Variants in NBEA observed in about 807,000 individuals in gnomAD.
NBEA encodes lysosomal-trafficking regulator 2.
In NBEA, 44 loss-of-function variants were observed where a neutral mutation model predicts 343.4. The ratio of observed to expected loss-of-function variants is 0.13; its 90% CI spans 0.10 to 0.16. The LOEUF (loss-of-function observed/expected upper bound fraction) is 0.16, where lower values mean the gene tolerates loss of function less well. Ranked by LOEUF, NBEA falls within the 10% of genes least tolerant of loss-of-function variation. The pLI is 1.00. For missense variants in NBEA, 2,555 were observed against 3,631.3 expected, an observed-to-expected ratio of 0.70 and a Z score of 7.62; for synonymous variants, 1,175 against 1,238.7, an observed-to-expected ratio of 0.95 and a Z score of 1.08.
chr13:35,302,798 T>C (rs1260349172), intron 35 of NBEA, among the ~76,000 whole-genome samples: 14 of 152,218 alleles, frequency 9.2e-5, no homozygotes, highest in Admixed American at 9.2e-4. Context: ...GCACCATCTA[T>C]TTCTTCTGGC....
rs1555270533 is a variant in NBEA at position 35,459,017 on chromosome 13, C to CCA, written c.6448+6802_6448+6803dup. 4.2e-3 allele frequency among the ~76,000 whole-genome samples: 313 copies of CCA among 74,670 alleles called. 5 individuals are homozygous for CCA. Among genetic ancestry groups the CCA allele is most frequent in the Middle Eastern group, 0.011 (2 of 176 alleles). 49.0% of individuals were successfully genotyped at this position (74,670 alleles called of 152,430 possible). A position where few individuals can be genotyped will look rare whatever the true frequency, so the allele number is the denominator to read the frequency against. On this transcript the variant is annotated intron_variant, in intron 40 of 58. Transcript: ENST00000379939. The stretch of plus-strand genomic sequence containing the variant: ...TTTCTTTACCACCGCCCCCCCCCCC[C>CCA]CACACACACACACACACACACTTAC...
intron 48 of NBEA, among the ~76,000 whole-genome samples, chr13:35,620,611 G>A (rs767298620): frequency 7.2e-5 from 11 of 152,166 alleles, no homozygotes; most frequent in Non-Finnish European, 1.3e-4. Flanking sequence ...AATCTTTTGA[G>A]TGGAAGTGTG....
At chr13:35,245,859 C>T (rs2031105973) in intron 34 of NBEA, among the ~76,000 whole-genome samples, 1 of 152,152 alleles carries the variant, frequency 6.6e-6, no homozygotes, top group East Asian at 1.9e-4. Flanking sequence ...AAGTTTCCCC[C>T]AATTATTCCC....
chr13:35,536,673 C>T (rs73171537), intron 41 of NBEA, among the ~76,000 whole-genome samples: 8 of 82,144 alleles, frequency 9.7e-5, no homozygotes, highest in African/African-American at 1.5e-4. Flanking sequence ...GATAGATAGA[C>T]AGACAGACAG....
intron 1 of NBEA, among the ~76,000 whole-genome samples, chr13:35,000,593 A>ACACAC (rs1555271795): frequency 3.4e-5 from 5 of 147,810 alleles, no homozygotes; most frequent in Admixed American, 6.8e-5. Flanking sequence ...TAATATATAT[A>ACACAC]ACACACACAC....
At chr13:35,633,436 G>C (rs985420964) in intron 49 of NBEA, among the ~76,000 whole-genome samples, 5 of 150,464 alleles carry the variant, frequency 3.3e-5, no homozygotes, top group Non-Finnish European at 7.4e-5. Context: ...GATAGCTCAC[G>C]CCTGTAATCC....
At chr13:35,153,384 G>A (rs1366220790) in intron 18 of NBEA, among the ~76,000 whole-genome samples, 2 of 152,032 alleles carry the variant, frequency 1.3e-5, no homozygotes, top group Non-Finnish European at 1.5e-5. Flanking sequence ...ATTGGGGCAT[G>A]CATTTATGCC....
chr13:35,659,505 GT>G (rs1213062633), intron 55 of NBEA, among the ~76,000 whole-genome samples: 65 of 152,190 alleles, frequency 4.3e-4, no homozygotes, highest in Admixed American at 2.0e-4. Context: ...GGTATAGAAA[GT>G]ATGTATGGTT....
intron 1 of NBEA, among the ~76,000 whole-genome samples, chr13:34,962,582 A>G (rs1210971397): frequency 6.6e-6 from 1 of 152,096 alleles, no homozygotes; most frequent in African/African-American, 2.4e-5. Flanking sequence ...TTAGAATCAA[A>G]TGTTGGAGTT....
intron 41 of NBEA, among the ~76,000 whole-genome samples, chr13:35,509,651 A>T (rs1418800727): frequency 3.9e-5 from 6 of 152,192 alleles, no homozygotes; most frequent in Non-Finnish European, 7.3e-5. Context: ...CAAAGATGCC[A>T]GTCTTTTAAA....
chr13:35,160,182 T>C, intron 22 of NBEA, 150 bp downstream of exon 22: 1 of 747,826 alleles, frequency 1.3e-6, no homozygotes, highest in South Asian at 2.3e-5. Context: ...TGCGGTATAA[T>C]TTCATGTATG....
intron 1 of NBEA, among the ~76,000 whole-genome samples, chr13:35,021,829 A>G (rs1324346954): frequency 6.6e-6 from 1 of 152,064 alleles, no homozygotes; most frequent in Non-Finnish European, 1.5e-5. Context: ...CCCATAGTAC[A>G]TTGTTGTTAT....
At chr13:35,331,376 C>T (rs969329319) in intron 36 of NBEA, among the ~76,000 whole-genome samples, 3 of 151,930 alleles carry the variant, frequency 2.0e-5, no homozygotes, top group African/African-American at 7.2e-5. Flanking sequence ...TAGTATACTC[C>T]CATTCTCTGA....
chr13:35,432,753 A>G (rs2045204277), intron 39 of NBEA, among the ~76,000 whole-genome samples: 1 of 151,686 alleles, frequency 6.6e-6, no homozygotes, highest in Non-Finnish European at 1.5e-5. Flanking sequence ...GTGATCCTGT[A>G]CTCAGACTTA....
rs1054332680 is a variant in NBEA, at chr13:35,518,944, G to A, written c.6586-31533G>A. 1.1e-4 allele frequency among the ~76,000 whole-genome samples: 16 copies of A among 152,106 alleles called. No individual in the cohort carries two copies. In the East Asian group the frequency reaches 2.5e-3, roughly 24 times the overall value. ...CATTCACCATAAGTCCAAATCAAAC[G>A]TAGAACATGACAAATAGAATTAGTT... On this transcript the variant is annotated intron_variant, in intron 41 of 58. Coordinates refer to ENST00000379939, the MANE Select transcript of NBEA (RefSeq NM_001385012.1).
chr13:35,266,234 G>A (rs756095462), intron 34 of NBEA, among the ~76,000 whole-genome samples: 1 of 151,848 alleles, frequency 6.6e-6, no homozygotes, highest in African/African-American at 2.4e-5. Context: ...GCTCACTGTT[G>A]GCGGGAATGT....
intron 44 of NBEA, among the ~76,000 whole-genome samples, chr13:35,562,409 G>A (rs2079898531): frequency 6.6e-6 from 1 of 151,910 alleles, no homozygotes; most frequent in Admixed American, 6.6e-5. Context: ...TGTAATTCTT[G>A]CATTTTAAAA....
chr13:35,545,337 C>T (rs1241799183), intron 41 of NBEA, among the ~76,000 whole-genome samples: 3 of 152,152 alleles, frequency 2.0e-5, no homozygotes, highest in African/African-American at 7.2e-5. Flanking sequence ...CACTGCATTC[C>T]ACTCTATCCT....
At chr13:35,646,714 T>C (rs1566455702) in intron 51 of NBEA, among the ~76,000 whole-genome samples, 1 of 152,204 alleles carries the variant, frequency 6.6e-6, no homozygotes, top group Non-Finnish European at 1.5e-5. Context: ...TTGCCAAATT[T>C]CGTGGCAAGA....
Sources: allele counts gnomAD v4.1 joint callset (sites outside exome capture counted in the v4.1 genomes callset), GRCh38; gene constraint gnomAD v4.1.1; transcripts MANE v1.5; gene names NCBI Gene and HGNC (gene_info 2026-07-23, HGNC 2026-07-21).